Variants in ARAP2 observed in about 807,000 individuals in gnomAD.
The protein encoded by ARAP2 is ArfGAP with RhoGAP domain, ankyrin repeat and PH domain 2.
In ARAP2, 148 loss-of-function variants were observed where a neutral mutation model predicts 194.5. That is an observed-to-expected ratio of 0.76 (90% CI 0.67 to 0.87). The LOEUF is 0.87. ARAP2 is among the 40% of genes least tolerant of loss of function. The pLI is 0.00. For missense variants in ARAP2, 2,128 were observed against 1,989.7 expected (o/e 1.07, Z -1.32); for synonymous variants, 695 against 683.5 (o/e 1.02, Z -0.26).
At chr4:36,122,018 G>A (rs79551046) in intron 22 of ARAP2, among the ~76,000 whole-genome samples, 2,606 of 151,420 alleles carry the variant, frequency 0.017, 67 homozygotes, top group African/African-American at 0.059. Context: ...AACTGTTTAC[G>A]AATAAGTATA....
chr4:36,006,685 A>C (rs2109298521), intron 10 of ARAP2: 1 of 152,302 alleles, frequency 6.6e-6, no homozygotes, highest in African/African-American at 2.4e-5. Context: ...ATATTAAAAA[A>C]ATCTGCTCTA....
At chr4:36,199,159 T>C (rs1301978069) in intron 6 of ARAP2, among the ~76,000 whole-genome samples, 1 of 152,254 alleles carries the variant, frequency 6.6e-6, no homozygotes, top group African/African-American at 2.4e-5. Context: ...GCCAGTGTCA[T>C]GGCAGCAGCG....
intron 9 of ARAP2, among the ~76,000 whole-genome samples, chr4:36,010,460 T>A (rs1403525976): frequency 6.6e-6 from 1 of 152,062 alleles, no homozygotes; most frequent in Non-Finnish European, 1.5e-5. Context: ...TATTTGTACA[T>A]TTTATGGATG....
At chr4:36,156,696 T>C (rs1214461856) in intron 15 of ARAP2, among the ~76,000 whole-genome samples, 1 of 152,122 alleles carries the variant, frequency 6.6e-6, no homozygotes, top group Non-Finnish European at 1.5e-5. Flanking sequence ...AAGATCTATT[T>C]TGAGTTTGAA....
chr4:36,036,031 T>C (rs201667948), intron 5 of ARAP2, among the ~76,000 whole-genome samples: 4 of 152,308 alleles, frequency 2.6e-5, no homozygotes, highest in Admixed American at 2.0e-4. Flanking sequence ...TTAGCTACTA[T>C]AGTTTTAAAA....
At chr4:36,158,353 G>A (rs1015253900) in intron 15 of ARAP2, among the ~76,000 whole-genome samples, 1 of 151,960 alleles carries the variant, frequency 6.6e-6, no homozygotes, top group African/African-American at 2.4e-5. Flanking sequence ...AATTGAATAT[G>A]TACTAAAAAC....
chr4:36,120,245 G>A (rs1241757499), intron 23 of ARAP2, among the ~76,000 whole-genome samples: 1 of 151,424 alleles, frequency 6.6e-6, no homozygotes, highest in African/African-American at 2.4e-5. Flanking sequence ...AAAAACAGTG[G>A]ACACATATAG....
intron 5 of ARAP2, among the ~76,000 whole-genome samples, chr4:36,040,741 G>A (rs1180800438): frequency 6.6e-6 from 1 of 152,160 alleles, no homozygotes; most frequent in Non-Finnish European, 1.5e-5. Flanking sequence ...CTTTTGGGTC[G>A]AGAGTACGGG....
chr4:36,138,985 T>G lies in ARAP2; in HGVS notation c.3264-5596A>C, dbSNP rs1247416226. Among the ~76,000 whole-genome samples the G allele has an allele frequency of 3.3e-5, 5 of 151,852 alleles. No homozygotes were observed. The East Asian group carries it at 9.7e-4, about 29-fold the overall frequency. Reference sequence around the variant, plus strand: ...TAGACATCCTTTTAGACATTTCTATTCATCATTTTTTGCTATTTTATTGGG... The same window carrying G: ...TAGACATCCTTTTAGACATTTCTATGCATCATTTTTTGCTATTTTATTGGG... On this transcript the variant is annotated intron_variant, in intron 19 of 32. Coordinates refer to ENST00000303965, the MANE Select transcript of ARAP2 (RefSeq NM_015230.4).
downstream of ARAP2, among the ~76,000 whole-genome samples, chr4:36,062,945 A>T (rs1253261479): frequency 6.6e-6 from 1 of 152,208 alleles, no homozygotes; most frequent in Non-Finnish European, 1.5e-5. Context: ...GATCATTAGA[A>T]ATTAAATGTG....
intron 28 of ARAP2, among the ~76,000 whole-genome samples, chr4:36,084,127 G>A (rs368533118): frequency 1.7e-4 from 26 of 152,100 alleles, no homozygotes; most frequent in Middle Eastern, 6.8e-3. Flanking sequence ...TTTGGAACTC[G>A]GACTGAGCCA....
chr4:36,226,747 ATT>A (rs890333534), intron 2 of ARAP2, among the ~76,000 whole-genome samples: 2 of 152,188 alleles, frequency 1.3e-5, no homozygotes, highest in Non-Finnish European at 2.9e-5. Context: ...AAGAGGTGGA[ATT>A]TTGCTGCCCC....
At chr4:36,045,862 G>A (rs1028155422) in intron 5 of ARAP2, 5 of 151,850 alleles carry the variant, frequency 3.3e-5, no homozygotes, top group Admixed American at 3.3e-4. Context: ...AATAAATACA[G>A]AAAAAACTCA....
intron 9 of ARAP2, among the ~76,000 whole-genome samples, chr4:36,168,051 A>G (rs1264706197): frequency 1.3e-5 from 2 of 151,894 alleles, no homozygotes; most frequent in Non-Finnish European, 2.9e-5. Context: ...CAGTAAGGAC[A>G]CTTGTTAGAG....
chr4:36,086,456 A>C (rs1711863343), intron 28 of ARAP2, among the ~76,000 whole-genome samples: 1 of 152,142 alleles, frequency 6.6e-6, no homozygotes, highest in Non-Finnish European at 1.5e-5. Context: ...CAATTGTAGA[A>C]ACACATTCTT....
At chr4:36,188,524 G>A (rs1158577475) in intron 7 of ARAP2, among the ~76,000 whole-genome samples, 1 of 152,136 alleles carries the variant, frequency 6.6e-6, no homozygotes. Context: ...AAGTGCGTGG[G>A]GGGCATTCTA....
chr4:36,040,748 C>A (rs150074027), intron 5 of ARAP2, among the ~76,000 whole-genome samples: 1 of 152,032 alleles, frequency 6.6e-6, no homozygotes, highest in African/African-American at 2.4e-5. Context: ...GTCGAGAGTA[C>A]GGGGTTTCTA....
At position 36,114,240 on chromosome 4, in the gene ARAP2, C is replaced by T. The variant is rs150680345; in HGVS notation, c.4086G>A (p.Ala1362=). The change falls in exon 26 of 33, where the codon GCG becomes GCA. Residue 1362 remains alanine (A), a synonymous_variant. Coordinates refer to ENST00000303965, the MANE Select transcript of ARAP2 (RefSeq NM_015230.4). ...EAEELTNDIL[A]IKNIIPTKGD... is the part of the protein sequence containing the mutation. ...CTTTTGTAGGAATAATATTTTTTAT[C>T]GCTAATATATCATTAGTTAATTCTT... The T allele has an allele frequency of 1.1e-4, 169 of 1,600,394 alleles. No homozygotes were observed. Among genetic ancestry groups the T allele is most frequent in the South Asian group, 3.2e-4 (29 of 90,110 alleles).
At chr4:36,109,775 C>T (rs1163130670) in intron 26 of ARAP2, among the ~76,000 whole-genome samples, 1 of 151,750 alleles carries the variant, frequency 6.6e-6, no homozygotes, top group Non-Finnish European at 1.5e-5. Context: ...AGGTTTGTTA[C>T]ATATGTATAC....
Sources: allele counts gnomAD v4.1 joint callset (sites outside exome capture counted in the v4.1 genomes callset), GRCh38; gene constraint gnomAD v4.1.1; transcripts MANE v1.5; gene names NCBI Gene and HGNC (gene_info 2026-07-23, HGNC 2026-07-21).